The following MAST1 variants were observed in gnomAD, a reference collection of about 807,000 sequenced individuals.
MAST1 encodes the protein microtubule associated serine/threonine kinase 1.
MAST1 carries 40 observed loss-of-function variants against 124.6 expected under a neutral mutation model. The ratio of observed to expected loss-of-function variants is 0.32; its 90% CI spans 0.25 to 0.42. The LOEUF (loss-of-function observed/expected upper bound fraction) is 0.42, where lower values mean the gene tolerates loss of function less well. Ranked by LOEUF, MAST1 falls within the 10% of genes least tolerant of loss-of-function variation. MAST1 has a pLI of 1.00. For synonymous variants in MAST1, 938 were observed against 939.4 expected, an observed-to-expected ratio of 1.00 and a Z score of 0.03; for missense variants, 1,558 against 2,181.9, an observed-to-expected ratio of 0.71 and a Z score of 5.70.
chr19:12,858,868 C>A, intron 12 of MAST1, 129 bp downstream of exon 12: 1 of 833,302 alleles, frequency 1.2e-6, no homozygotes, highest in Non-Finnish European at 2.0e-6. Flanking sequence ...CTATTTATTT[C>A]TCCAGTCATT....
At chr19:12,864,692 C>G in intron 12 of MAST1, 117 bp from the exon 13 acceptor site, 1 of 1,369,860 alleles carries the variant, frequency 7.3e-7, no homozygotes, top group Non-Finnish European at 1.0e-6. Context: ...CTCTCAGAGC[C>G]TCAGTTTCCC....
At chr19:12,855,162 A>C (rs1970004133) in intron 10 of MAST1, among the ~76,000 whole-genome samples, 1 of 152,156 alleles carries the variant, frequency 6.6e-6, no homozygotes. Flanking sequence ...GGAACCAGGG[A>C]GACAAAGATT....
intron 12 of MAST1, among the ~76,000 whole-genome samples, chr19:12,861,582 T>G (rs1328870248): frequency 6.6e-6 from 1 of 152,174 alleles, no homozygotes; most frequent in Non-Finnish European, 1.5e-5. Flanking sequence ...GGGGCGCTGA[T>G]GAGGAGGGTA....
At chr19:12,854,869 C>T (rs1970001486) in intron 10 of MAST1, among the ~76,000 whole-genome samples, 1 of 152,124 alleles carries the variant, frequency 6.6e-6, no homozygotes, top group African/African-American at 2.4e-5. Context: ...GGCAGATGTT[C>T]CAGATGTCTA....
Position 12,847,318 on chromosome 19 carries a change from A to G in MAST1, c.356A>G (p.His119Arg). Residue 119 changes from histidine (H) to arginine (R), a missense_variant, in exon 5 of 26, where the codon CAC becomes CGC. Physicochemically the swap from His to Arg is conservative, Grantham distance 29 (BLOSUM62 0). Transcript: ENST00000251472. This position sits in a 1 kb window ranked among gnomAD's most constrained non-coding sequence, Gnocchi z 5.5. ...SSSCSSQERL[H>R]QLPYQPTVDE... Reference sequence around the variant, plus strand: ...TCCTGCTCCTCCCAGGAGCGCCTTCACCAGCTGCCCTACCAGCCCACGGTG... The same window carrying G: ...TCCTGCTCCTCCCAGGAGCGCCTTCGCCAGCTGCCCTACCAGCCCACGGTG... 6 of 1,613,352 alleles carry G rather than the reference A, an allele frequency of 3.7e-6. No homozygotes were observed. Among genetic ancestry groups the G allele is most frequent in the Non-Finnish European group, 5.1e-6 (6 of 1,179,820 alleles).
At chr19:12,859,280 A>G (rs991965389) in intron 12 of MAST1, among the ~76,000 whole-genome samples, 3 of 152,048 alleles carry the variant, frequency 2.0e-5, no homozygotes, top group Admixed American at 6.6e-5. Context: ...GGATTTCGCC[A>G]TGTTTGCCAG....
chr19:12,861,235 G>A (rs933822960), intron 12 of MAST1, among the ~76,000 whole-genome samples: 1 of 151,780 alleles, frequency 6.6e-6, no homozygotes, highest in Non-Finnish European at 1.5e-5. Context: ...GCTGATTTTT[G>A]TATTTTTAGT....
chr19:12,856,143 A>G (rs1198464145), intron 10 of MAST1, among the ~76,000 whole-genome samples: 7 of 152,088 alleles, frequency 4.6e-5, no homozygotes, highest in African/African-American at 1.4e-4. Context: ...TTTATATATC[A>G]TAGATCTTTT....
intron 10 of MAST1, among the ~76,000 whole-genome samples, chr19:12,857,540 T>G (rs1970030783): frequency 6.6e-6 from 1 of 151,996 alleles, no homozygotes; most frequent in South Asian, 2.1e-4. Flanking sequence ...GCCTCCCAAG[T>G]AGCTGGGACT....
chr19:12,847,311 C>T lies in MAST1; in HGVS notation c.349C>T (p.Arg117Cys). The T allele has an allele frequency of 1.2e-6, 2 of 1,613,638 alleles. No homozygotes were observed. The highest frequency in any genetic ancestry group is 1.7e-6 in the Non-Finnish European group (2 of 1,179,888). The change falls in exon 5 of 26, where the codon CGC becomes TGC. Residue 117 changes from arginine (R) to cysteine (C), a missense_variant. This residue lies in a region of MAST1 where 165 missense variants were observed against 315.3 expected (regional missense o/e 0.52). Coordinates refer to ENST00000251472, the MANE Select transcript of MAST1 (RefSeq NM_014975.3). This position sits in a 1 kb window ranked among gnomAD's most constrained non-coding sequence, Gnocchi z 5.5. Reference sequence around the variant, plus strand: ...CCAGTCCTCCTGCTCCTCCCAGGAGCGCCTTCACCAGCTGCCCTACCAGCC... The same window carrying T: ...CCAGTCCTCCTGCTCCTCCCAGGAGTGCCTTCACCAGCTGCCCTACCAGCC... ...TVSSSCSSQE[R>C]LHQLPYQPTV...
At chr19:12,873,536 G>C (rs1205412398) in intron 25 of MAST1, 25 bp downstream of exon 25, 4 of 1,591,350 alleles carry the variant, frequency 2.5e-6, no homozygotes, top group African/African-American at 1.3e-5. Flanking sequence ...ACCTGCGCGG[G>C]GACCGAGCAG....
intron 13 of MAST1, 39 bp downstream of exon 13, chr19:12,864,986 G>C (rs749102386): frequency 4.3e-6 from 7 of 1,613,598 alleles, no homozygotes; most frequent in South Asian, 2.2e-5. Flanking sequence ...TCTGTCCCTC[G>C]GGAGGCCAGG....
At chr19:12,867,401 C>A in intron 18 of MAST1, 73 bp from the exon 19 acceptor site, 1 of 1,569,844 alleles carries the variant, frequency 6.4e-7, no homozygotes, top group Non-Finnish European at 8.7e-7. Context: ...GGGGGATCCA[C>A]TGCCAGGAAG....
intron 1 of MAST1, among the ~76,000 whole-genome samples, chr19:12,839,057 C>A (rs542871409): frequency 1.3e-5 from 2 of 150,390 alleles, no homozygotes; most frequent in South Asian, 4.2e-4. Context: ...TCAGTCACTG[C>A]GGCTGTGGGT....
At chr19:12,859,002 C>T (rs1268572878) in intron 12 of MAST1, 2 of 574,096 alleles carry the variant, frequency 3.5e-6, no homozygotes, top group Admixed American at 3.2e-5. Flanking sequence ...CTTCTATCTA[C>T]TGATGTGCTA....
At chr19:12,859,652 A>G (rs1204588227) in intron 12 of MAST1, among the ~76,000 whole-genome samples, 1 of 151,960 alleles carries the variant, frequency 6.6e-6, no homozygotes, top group African/African-American at 2.4e-5. Flanking sequence ...TACAAAAATT[A>G]GCCAGATGGC....
At chr19:12,845,830 T>A (rs1969886706) in intron 4 of MAST1, among the ~76,000 whole-genome samples, 1 of 151,948 alleles carries the variant, frequency 6.6e-6, no homozygotes, top group Admixed American at 6.6e-5. Context: ...CTAATTTTTT[T>A]ATATTTTTAG....
intron 4 of MAST1, among the ~76,000 whole-genome samples, chr19:12,844,579 A>G (rs10423233): frequency 0.017 from 2,628 of 152,310 alleles, 78 homozygotes; most frequent in African/African-American, 0.06. Context: ...AGGAGGTGAC[A>G]TTGAAACCAA....
rs576646655 is a variant in MAST1 at position 12,870,440 on chromosome 19, G to A, written c.3004-384G>A. ...CGGGAGGCGGAGCTTGCAGTGAGCC[G>A]ACATCGCGCCACTGCACTCCAGCCT... On this transcript the variant is annotated intron_variant, in intron 22 of 25. Transcript: ENST00000251472. Among the ~76,000 whole-genome samples the A allele has an allele frequency of 3.8e-4, 56 of 145,918 alleles. 2 individuals are homozygous for A. Among genetic ancestry groups the A allele is most frequent in the Admixed American group, 3.7e-3 (52 of 14,168 alleles).
Sources: allele counts gnomAD v4.1 joint callset (sites outside exome capture counted in the v4.1 genomes callset), GRCh38; gene constraint gnomAD v4.1.1; regional missense constraint gnomAD v4.1.1; non-coding constraint Gnocchi (gnomAD v3.1); transcripts MANE v1.5; gene names NCBI Gene and HGNC (gene_info 2026-07-23, HGNC 2026-07-21).